IFRD1: variants seen among roughly 807,000 people sequenced by gnomAD.
The protein encoded by IFRD1 is interferon related developmental regulator 1.
Under a neutral mutation model 52.9 loss-of-function variants are expected in IFRD1, and 35 were observed. That is an observed-to-expected ratio of 0.66 (90% CI 0.51 to 0.88). IFRD1 has a LOEUF of 0.88. Ranked by LOEUF, IFRD1 falls within the 40% of genes least tolerant of loss-of-function variation. The pLI is 0.00. For missense variants in IFRD1, 517 were observed against 550.8 expected, an observed-to-expected ratio of 0.94 and a Z score of 0.61; for synonymous variants, 184 against 188.4, an observed-to-expected ratio of 0.98 and a Z score of 0.19.
chr7:112,451,130 C>T, intron 1 of IFRD1: 1 of 254,116 alleles, frequency 3.9e-6, no homozygotes. Flanking sequence ...GATCTCTCCC[C>T]GACCACGGGT....
intron 1 of IFRD1, among the ~76,000 whole-genome samples, chr7:112,441,019 C>A (rs1794870778): frequency 6.6e-6 from 1 of 152,086 alleles, no homozygotes; most frequent in Admixed American, 6.5e-5. Flanking sequence ...CACCTGTAAT[C>A]CCAACACTTT....
At chr7:112,469,431 A>G (rs1481938115) in intron 9 of IFRD1, among the ~76,000 whole-genome samples, 1 of 152,198 alleles carries the variant, frequency 6.6e-6, no homozygotes, top group Non-Finnish European at 1.5e-5. Context: ...TCTAAAAAAC[A>G]AAAAAACCCC....
intron 1 of IFRD1, among the ~76,000 whole-genome samples, chr7:112,426,385 C>T (rs980179334): frequency 6.6e-6 from 1 of 152,116 alleles, no homozygotes; most frequent in Admixed American, 6.5e-5. Flanking sequence ...TTGTTCTCAC[C>T]ACTGGTTGGA....
chr7:112,438,387 T>C (rs1794767913), intron 1 of IFRD1, among the ~76,000 whole-genome samples: 1 of 152,184 alleles, frequency 6.6e-6, no homozygotes, highest in East Asian at 1.9e-4. Flanking sequence ...GCATTGTGCA[T>C]ACCTTTGAGG....
chr7:112,457,384 A>G (rs1795322962), intron 4 of IFRD1: 1 of 378,560 alleles, frequency 2.6e-6, no homozygotes, highest in East Asian at 4.4e-5. Flanking sequence ...TATATAAAAC[A>G]TTGATTGTAC....
chr7:112,463,876 ACACACACACACACACACAC>A (rs1236165190), intron 8 of IFRD1, among the ~76,000 whole-genome samples: 9 of 44,318 alleles, frequency 2.0e-4, no homozygotes, highest in African/African-American at 8.3e-4. Flanking sequence ...ACACACACAC[ACACACACACACACACACAC>A]CCCACGTATC....
At chr7:112,447,857 GT>G (rs1795063952), upstream of IFRD1, among the ~76,000 whole-genome samples, 1 of 152,142 alleles carries the variant, frequency 6.6e-6, no homozygotes, top group Admixed American at 6.5e-5. Flanking sequence ...CAAAAGTACA[GT>G]ATCTCTCAGA....
intron 1 of IFRD1, among the ~76,000 whole-genome samples, chr7:112,441,603 T>C (rs999590138): frequency 6.6e-6 from 1 of 152,228 alleles, no homozygotes; most frequent in Non-Finnish European, 1.5e-5. Context: ...CTCTCCTCTC[T>C]GCAAACTGTC....
intron 8 of IFRD1, among the ~76,000 whole-genome samples, chr7:112,466,715 A>C (rs11975916): frequency 0.061 from 9,296 of 152,210 alleles, 306 homozygotes; most frequent in South Asian, 0.096. Context: ...AAATTAAAAA[A>C]CCCTTTACAT....
chr7:112,441,553 C>G (rs1794890495), intron 1 of IFRD1, among the ~76,000 whole-genome samples: 1 of 152,192 alleles, frequency 6.6e-6, no homozygotes, highest in Non-Finnish European at 1.5e-5. Context: ...TGGGAAGATC[C>G]ATTTCTTGTC....
chr7:112,462,075 T>G lies in IFRD1; in HGVS notation c.693T>G (p.Val231=), dbSNP rs1289352066. The part of the protein sequence containing the change: ...KSYLKEKDTT[V]ICSTPNTVLH... ...ATCTCAAAGAGAAAGACACTACTGT[T>G]ATTTGCAGCACTCCTAATACAGTGC... The change falls in exon 7 of 12, where the codon GTT becomes GTG. Residue 231 remains valine (V), a synonymous_variant. Transcript: ENST00000403825. 1.2e-6 allele frequency: 2 copies of G among 1,613,210 alleles called. No homozygotes were observed. Among genetic ancestry groups the G allele is most frequent in the Non-Finnish European group, 1.7e-6 (2 of 1,179,490 alleles).
At chr7:112,437,944 T>G (rs1026088871) in intron 1 of IFRD1, among the ~76,000 whole-genome samples, 5 of 152,172 alleles carry the variant, frequency 3.3e-5, no homozygotes, top group African/African-American at 1.2e-4. Context: ...GTTTCTGGTT[T>G]GCATATTGAG....
chr7:112,461,840 CTA>C (rs749181325), intron 5 of IFRD1, 24 bp from the exon 6 acceptor site: 103 of 1,210,922 alleles, frequency 8.5e-5, no homozygotes, highest in East Asian at 4.6e-4. Flanking sequence ...TCATTAATGT[CTA>C]TATATATATA....
chr7:112,475,505 G>T lies in IFRD1; in HGVS notation c.1342G>T (p.Gly448Ter), dbSNP rs1227333900. 2.5e-6 allele frequency: 4 copies of T among 1,602,208 alleles called. No homozygotes were observed. Among genetic ancestry groups the T allele is most frequent in the Non-Finnish European group, 3.4e-6 (4 of 1,170,132 alleles). Residue 448 changes from glycine (G) to a stop codon, truncating the protein, a stop_gained, in exon 12 of 12, where the codon GGA (glycine) becomes TGA (stop). Coordinates refer to ENST00000403825, the MANE Select transcript of IFRD1 (RefSeq NM_001550.4). LOFTEE classifies it high-confidence loss of function. ...ATGTCGAGATAAGAGAGCAGATGTT[G>T]GAGAATTCTTCTAGATTTTCAGAAC... ...SKCRDKRADV[G>*]EFF
chr7:112,455,898 T>C (rs746247149), intron 2 of IFRD1, 31 bp downstream of exon 2: 4 of 1,524,934 alleles, frequency 2.6e-6, no homozygotes, highest in African/African-American at 2.7e-5. Flanking sequence ...TTTGCAACTT[T>C]AGATAAAATG....
chr7:112,472,913 C>T (rs762430965), intron 11 of IFRD1, 52 bp downstream of exon 11: 1 of 1,275,390 alleles, frequency 7.8e-7, no homozygotes, highest in African/African-American at 1.5e-5. Context: ...AGCTTTGATT[C>T]TGTCTAGTGT....
intron 4 of IFRD1, 68 bp downstream of exon 4, chr7:112,457,106 C>A: frequency 1.3e-6 from 2 of 1,512,334 alleles, no homozygotes; most frequent in Non-Finnish European, 1.8e-6. Context: ...TTTTCAGTAA[C>A]ATTTAGTAAT....
intron 1 of IFRD1, among the ~76,000 whole-genome samples, chr7:112,443,619 C>T (rs1171710015): frequency 3.9e-5 from 6 of 151,954 alleles, no homozygotes; most frequent in Non-Finnish European, 7.4e-5. Flanking sequence ...TGCCTGTAAT[C>T]CCAGCACTTT....
intron 1 of IFRD1, among the ~76,000 whole-genome samples, chr7:112,431,746 T>A (rs539277760): frequency 1.3e-5 from 2 of 152,270 alleles, no homozygotes; most frequent in African/African-American, 4.8e-5. Context: ...GTTATGAAAG[T>A]AGTATTCGAA....
Sources: allele counts gnomAD v4.1 joint callset (sites outside exome capture counted in the v4.1 genomes callset), GRCh38; gene constraint gnomAD v4.1.1; transcripts MANE v1.5; gene names NCBI Gene and HGNC (gene_info 2026-07-23, HGNC 2026-07-21).